SYT14: variants seen among roughly 807,000 people sequenced by gnomAD.
SYT14 encodes synaptotagmin 14, also known as synaptotagmin-14.
In SYT14, 32 loss-of-function variants were observed where a neutral mutation model predicts 74.2. The observed-to-expected ratio is 0.43, with a 90% confidence interval of 0.33 to 0.58. The LOEUF (loss-of-function observed/expected upper bound fraction) is 0.58. SYT14 is among the 20% of genes least tolerant of loss of function. The pLI, the probability that SYT14 is intolerant of heterozygous loss-of-function variation, is 0.05. For missense variants in SYT14, 791 were observed against 981.8 expected, an observed-to-expected ratio of 0.81 and a Z score of 2.60; for synonymous variants, 298 against 337.7, an observed-to-expected ratio of 0.88 and a Z score of 1.29.
intron 5 of SYT14, among the ~76,000 whole-genome samples, chr1:210,028,431 C>T (rs1591300): frequency 0.16 from 24,856 of 151,390 alleles, 6,471 homozygotes; most frequent in African/African-American, 0.55. Context: ...CAACTCCATT[C>T]CCCCTTCCCC....
intron 2 of SYT14, among the ~76,000 whole-genome samples, chr1:209,975,528 A>C (rs1283483488): frequency 6.6e-6 from 1 of 152,168 alleles, no homozygotes; most frequent in East Asian, 1.9e-4. Context: ...TGTATGTTGA[A>C]CCAGCCTTGC....
intron 5 of SYT14, among the ~76,000 whole-genome samples, chr1:210,068,654 C>T (rs2081338834): frequency 6.6e-6 from 1 of 151,478 alleles, no homozygotes; most frequent in Non-Finnish European, 1.5e-5. Context: ...TTATTGTATA[C>T]ATTTTTCAGA....
At chr1:209,962,435 A>G (rs906099342) in intron 2 of SYT14, among the ~76,000 whole-genome samples, 1 of 151,936 alleles carries the variant, frequency 6.6e-6, no homozygotes, top group Admixed American at 6.6e-5. Context: ...GTGAATTTAT[A>G]GAGCCTCGGT....
chr1:210,135,008 T>C (rs2082752935), intron 7 of SYT14, among the ~76,000 whole-genome samples: 1 of 151,358 alleles, frequency 6.6e-6, no homozygotes. Flanking sequence ...AAAAACAGAG[T>C]CTCACTCTGT....
intron 1 of SYT14, among the ~76,000 whole-genome samples, chr1:209,945,086 T>C (rs2078801731): frequency 6.6e-6 from 1 of 152,168 alleles, no homozygotes; most frequent in Non-Finnish European, 1.5e-5. Context: ...CTGCCAGTTG[T>C]GGACTTGGTT....
At chr1:210,066,983 C>T (rs189626308) in intron 5 of SYT14, among the ~76,000 whole-genome samples, 1 of 151,910 alleles carries the variant, frequency 6.6e-6, no homozygotes, top group Non-Finnish European at 1.5e-5. Flanking sequence ...GAGTTAATTT[C>T]TATATATAGT....
chr1:210,064,598 T>A lies in SYT14; in HGVS notation c.1313-29724T>A, dbSNP rs572633638. ...TTCATCCATATTGTACCAGGTATTA[T>A]TTCTTTTTGTGGCTGAATAATATTC... On this transcript the variant is annotated intron_variant, in intron 5 of 9. Coordinates refer to ENST00000637265, the Ensembl canonical transcript of SYT14. Among the ~76,000 whole-genome samples the A allele has an allele frequency of 3.3e-5, 5 of 152,188 alleles. No individual in the cohort carries two copies. The East Asian group carries it at 7.7e-4, about 24-fold the overall frequency.
At chr1:210,105,778 T>TG (rs2082146564) in intron 7 of SYT14, among the ~76,000 whole-genome samples, 1 of 152,180 alleles carries the variant, frequency 6.6e-6, no homozygotes. Flanking sequence ...ACCATCCTCT[T>TG]GCTGCCGTCC....
intron 2 of SYT14, among the ~76,000 whole-genome samples, chr1:209,964,280 C>G (rs572663961): frequency 5.8e-4 from 89 of 152,304 alleles, no homozygotes; most frequent in African/African-American, 1.9e-3. Flanking sequence ...TTTAAGTTTC[C>G]TGAGGCCTTC....
intron 5 of SYT14, among the ~76,000 whole-genome samples, chr1:210,037,429 T>A (rs1356218368): frequency 6.6e-6 from 1 of 152,000 alleles, no homozygotes; most frequent in Non-Finnish European, 1.5e-5. Flanking sequence ...TTTATTTAGT[T>A]CTGCTCTGAT....
At position 210,038,445 on chromosome 1, in the gene SYT14, T is replaced by C. The variant is rs541606159; in HGVS notation, c.1312+17191T>C. Among the ~76,000 whole-genome samples the C allele has an allele frequency of 1.5e-3, 224 of 152,280 alleles. 1 individual carries two copies. The highest frequency in any genetic ancestry group is 5.1e-3 in the African/African-American group (213 of 41,590). On this transcript the variant is annotated intron_variant, in intron 5 of 9. Transcript: ENST00000637265. ...AAGATTAATATTGATATGTAGGGTT[T>C]CTTCTTGTCATAATGTTTACTGTTA... is the stretch of plus-strand genomic sequence containing the variant.
chr1:210,087,797 A>G (rs986101108), intron 5 of SYT14, among the ~76,000 whole-genome samples: 3 of 152,096 alleles, frequency 2.0e-5, no homozygotes, highest in Non-Finnish European at 4.4e-5. Context: ...ACTGGGCTGG[A>G]CATCTTCCCC....
At chr1:210,042,518 T>G (rs1252541215) in intron 5 of SYT14, among the ~76,000 whole-genome samples, 1 of 152,226 alleles carries the variant, frequency 6.6e-6, no homozygotes, top group Non-Finnish European at 1.5e-5. Context: ...CTTTAATCCA[T>G]CTTGAGTTAA....
At chr1:210,087,393 G>T (rs959088702) in intron 5 of SYT14, among the ~76,000 whole-genome samples, 1 of 152,114 alleles carries the variant, frequency 6.6e-6, no homozygotes, top group Non-Finnish European at 1.5e-5. Context: ...CACCCCAGTC[G>T]CCTGGCTCTA....
At chr1:210,114,665 G>T (rs552695809) in intron 7 of SYT14, among the ~76,000 whole-genome samples, 2 of 151,000 alleles carry the variant, frequency 1.3e-5, no homozygotes, top group African/African-American at 4.9e-5. Flanking sequence ...GGGAGAGGTC[G>T]GATAAAGAAA....
chr1:209,945,949 C>T (rs1334198450), intron 1 of SYT14, among the ~76,000 whole-genome samples: 1 of 152,084 alleles, frequency 6.6e-6, no homozygotes. Context: ...CCTTGTGTCT[C>T]TGTGTCACGT....
intron 5 of SYT14, among the ~76,000 whole-genome samples, chr1:210,051,489 C>A (rs751212425): frequency 3.3e-5 from 5 of 152,066 alleles, no homozygotes; most frequent in Admixed American, 6.6e-5. Context: ...AGATAAATCC[C>A]ATTTCTTTTT....
At chr1:210,081,918 T>G (rs2081624136) in intron 5 of SYT14, among the ~76,000 whole-genome samples, 1 of 152,178 alleles carries the variant, frequency 6.6e-6, no homozygotes, top group African/African-American at 2.4e-5. Context: ...ATGAATATGA[T>G]TAAGCATAGG....
chr1:210,025,456 A>G (rs1284518841), intron 5 of SYT14, among the ~76,000 whole-genome samples: 1 of 152,240 alleles, frequency 6.6e-6, no homozygotes, highest in African/African-American at 2.4e-5. Flanking sequence ...AAAGGGAATC[A>G]CAAGGTAGAA....
Sources: gnomAD v4.1 joint callset for allele counts (sites outside exome capture counted in the v4.1 genomes callset) on GRCh38, gnomAD v4.1.1 for gene constraint, MANE v1.5 for transcripts, NCBI Gene and HGNC (gene_info 2026-07-23, HGNC 2026-07-21) for gene names.